HNF4G: variants seen among roughly 807,000 people sequenced by gnomAD.
HNF4G encodes the protein hepatocyte nuclear factor 4 gamma, also known as hepatocyte nuclear factor 4-gamma.
In HNF4G, 21 loss-of-function variants were observed where a neutral mutation model predicts 50.9. The ratio of observed to expected loss-of-function variants is 0.41; its 90% CI spans 0.29 to 0.59. The LOEUF (loss-of-function observed/expected upper bound fraction) is 0.59. Among genes scored for constraint, HNF4G ranks in the 20% least tolerant of loss-of-function variants. The pLI is 0.26. For missense variants in HNF4G, 527 were observed against 559.4 expected, an observed-to-expected ratio of 0.94 and a Z score of 0.58; for synonymous variants, 198 against 185.6, an observed-to-expected ratio of 1.07 and a Z score of -0.54.
intron 1 of HNF4G, among the ~76,000 whole-genome samples, chr8:75,416,499 C>T (rs375814978): frequency 6.2e-4 from 94 of 152,098 alleles, no homozygotes; most frequent in African/African-American, 2.0e-3. Context: ...GGCTTATAAC[C>T]GAGAGAAACT....
intron 1 of HNF4G, among the ~76,000 whole-genome samples, chr8:75,487,218 A>G (rs1039894559): frequency 6.6e-6 from 1 of 152,036 alleles, no homozygotes; most frequent in Admixed American, 6.5e-5. Flanking sequence ...TTTCTTTTAC[A>G]TGTAATTGTA....
intron 1 of HNF4G, among the ~76,000 whole-genome samples, chr8:75,433,952 C>T (rs953741015): frequency 2.7e-5 from 4 of 150,108 alleles, no homozygotes; most frequent in African/African-American, 9.8e-5. Context: ...TAAGAACCCT[C>T]TAGTTTGAAA....
intron 1 of HNF4G, among the ~76,000 whole-genome samples, chr8:75,543,324 A>T (rs1012329306): frequency 6.6e-6 from 1 of 152,200 alleles, no homozygotes; most frequent in East Asian, 1.9e-4. Flanking sequence ...GCCCTGGGAA[A>T]CTGGATGGAT....
At chr8:75,434,679 C>T (rs1811096075) in intron 1 of HNF4G, among the ~76,000 whole-genome samples, 1 of 150,920 alleles carries the variant, frequency 6.6e-6, no homozygotes, top group South Asian at 2.1e-4. Flanking sequence ...AAGGCCAACA[C>T]ACACACACAC....
intron 2 of HNF4G, among the ~76,000 whole-genome samples, chr8:75,500,789 C>T (rs1355640607): frequency 6.6e-6 from 1 of 152,026 alleles, no homozygotes; most frequent in Non-Finnish European, 1.5e-5. Flanking sequence ...CAATTCCCTT[C>T]AGATGAAATG....
Position 75,452,205 on chromosome 8 carries a change from T to C in HNF4G, c.-143-37884T>C, listed in dbSNP as rs117084339. Reference sequence around the variant, plus strand: ...ACAATTTTATAATAAATAATATAAATAAATATTTCTAAAGAACAAAAGTTA... The same window carrying C: ...ACAATTTTATAATAAATAATATAAACAAATATTTCTAAAGAACAAAAGTTA... On this transcript the variant is annotated intron_variant, in intron 1 of 10. Coordinates refer to the HNF4G transcript ENST00000354370. Among the ~76,000 whole-genome samples the C allele has an allele frequency of 4.8e-3, 730 of 152,196 alleles. 1 individual carries two copies. The highest frequency in any genetic ancestry group is 8.8e-3 in the Non-Finnish European group (596 of 68,002).
intron 2 of HNF4G, among the ~76,000 whole-genome samples, chr8:75,495,143 C>G (rs1353173382): frequency 6.6e-6 from 1 of 152,204 alleles, no homozygotes; most frequent in Admixed American, 6.6e-5. Flanking sequence ...AACTGATTCA[C>G]AGACTATGTT....
chr8:75,502,843 G>C (rs537051326), intron 2 of HNF4G, among the ~76,000 whole-genome samples: 35 of 152,274 alleles, frequency 2.3e-4, no homozygotes, highest in African/African-American at 7.2e-4. Context: ...GATATTGTCT[G>C]TAATAGCAAA....
chr8:75,490,656 T>A (rs1453692797), intron 2 of HNF4G, among the ~76,000 whole-genome samples: 2 of 152,162 alleles, frequency 1.3e-5, no homozygotes, highest in Admixed American at 1.3e-4. Context: ...GTCAATGTTC[T>A]GAAAAAGATG....
At chr8:75,445,049 T>C (rs897308184) in intron 1 of HNF4G, among the ~76,000 whole-genome samples, 6 of 150,298 alleles carry the variant, frequency 4.0e-5, no homozygotes, top group East Asian at 2.0e-4. Flanking sequence ...CCTCAGCAAA[T>C]GTGAAAGAAC....
chr8:75,516,939 A>C (rs1001931155), intron 2 of HNF4G, among the ~76,000 whole-genome samples: 23 of 152,310 alleles, frequency 1.5e-4, no homozygotes, highest in Admixed American at 1.4e-3. Flanking sequence ...CATACCCAAG[A>C]CTGGGTAACT....
At chr8:75,491,851 A>G (rs563636932) in intron 2 of HNF4G, among the ~76,000 whole-genome samples, 39 of 152,340 alleles carry the variant, frequency 2.6e-4, no homozygotes, top group African/African-American at 7.5e-4. Context: ...GAAGACTTAT[A>G]AGCAGAAGAG....
At chr8:75,473,100 G>A (rs950044093) in intron 1 of HNF4G, among the ~76,000 whole-genome samples, 3 of 152,016 alleles carry the variant, frequency 2.0e-5, no homozygotes, top group African/African-American at 7.3e-5. Flanking sequence ...ACAAGGTCAG[G>A]AGATTGAGAC....
chr8:75,506,015 AT>A (rs952751625), intron 2 of HNF4G, among the ~76,000 whole-genome samples: 4 of 151,982 alleles, frequency 2.6e-5, no homozygotes, highest in Non-Finnish European at 4.4e-5. Context: ...ATAGAGGGTT[AT>A]TTTTCTTAAT....
chr8:75,432,945 T>G (rs568608630), intron 1 of HNF4G, among the ~76,000 whole-genome samples: 7 of 152,266 alleles, frequency 4.6e-5, no homozygotes, highest in Admixed American at 4.6e-4. Context: ...CAAAAGACAC[T>G]ACCAATTTGC....
chr8:75,488,381 C>T (rs779485275), intron 1 of HNF4G, among the ~76,000 whole-genome samples: 38 of 152,184 alleles, frequency 2.5e-4, no homozygotes, highest in Non-Finnish European at 4.4e-4. Flanking sequence ...TCAAGCAATT[C>T]TTCTGCCTCA....
chr8:75,534,138 C>A (rs1412287938), intron 2 of HNF4G, among the ~76,000 whole-genome samples: 1 of 151,868 alleles, frequency 6.6e-6, no homozygotes, highest in Non-Finnish European at 1.5e-5. Flanking sequence ...TTTCAAAATG[C>A]CACCACAATC....
chr8:75,443,812 T>A lies in HNF4G; in HGVS notation c.-144+35650T>A, dbSNP rs1811351340. Among the ~76,000 whole-genome samples the A allele has an allele frequency of 2.0e-5, 3 of 152,208 alleles. No individual in the cohort carries two copies. In the South Asian group the frequency reaches 6.2e-4, roughly 32 times the overall value. On this transcript the variant is annotated intron_variant, in intron 1 of 10. Transcript: ENST00000354370. ...TGTAATTCATTTTATGTTTATCATT[T>A]GACCAAATAAAATTTAAAAAGTCAT...
intron 1 of HNF4G, among the ~76,000 whole-genome samples, chr8:75,482,716 T>G (rs1812409805): frequency 6.6e-6 from 1 of 152,174 alleles, no homozygotes; most frequent in Non-Finnish European, 1.5e-5. Context: ...CGCCTTTTGA[T>G]GTTTGTCACT....
Sources: gnomAD v4.1 joint callset for allele counts (sites outside exome capture counted in the v4.1 genomes callset) on GRCh38, gnomAD v4.1.1 for gene constraint, MANE v1.5 for transcripts, NCBI Gene and HGNC (gene_info 2026-07-23, HGNC 2026-07-21) for gene names.